The following GOSR2 variants were observed in gnomAD, a reference collection of about 807,000 sequenced individuals.
GOSR2 encodes the protein 27 kDa Golgi SNARE protein.
GOSR2 carries 20 observed loss-of-function variants against 27.9 expected under a neutral mutation model. That is an observed-to-expected ratio of 0.72 (90% CI 0.50 to 1.04). The LOEUF (loss-of-function observed/expected upper bound fraction) is 1.04. GOSR2 is among the 50% of genes least tolerant of loss of function. GOSR2 has a pLI of 0.00. For synonymous variants in GOSR2, 91 were observed against 98.8 expected, an observed-to-expected ratio of 0.92 and a Z score of 0.47; for missense variants, 261 against 270.5, an observed-to-expected ratio of 0.97 and a Z score of 0.25.
At chr17:46,972,180 G>A (rs1425528672) in intron 6 of GOSR2, among the ~76,000 whole-genome samples, 12 of 152,194 alleles carry the variant, frequency 7.9e-5, no homozygotes, top group Admixed American at 7.2e-4. Context: ...CCCTGGGGCT[G>A]GGCTGGGGCA....
chr17:46,941,964 T>G lies in GOSR2; in HGVS notation c.*3204T>G. 7 of 985,108 alleles carry G rather than the reference T, an allele frequency of 7.1e-6. No homozygotes were observed. Among genetic ancestry groups the G allele is most frequent in the Non-Finnish European group, 8.4e-6 (7 of 829,694 alleles). The allele number at this position is 985,108 out of a possible 1,614,324, so 61.0% of individuals were successfully genotyped here. On this transcript the variant is annotated 3_prime_UTR_variant, in exon 6 of 6. Transcript: ENST00000640051. The stretch of plus-strand genomic sequence containing the variant: ...GCTTCTGTCTCAAAGATGATCACAT[T>G]GGTGTAAAGAGCAAAACTTGTTAAG...
chr17:46,940,509 A>G lies in GOSR2; in HGVS notation c.*1749A>G, dbSNP rs2089118586. The G allele has an allele frequency of 1.2e-6, 2 of 1,613,000 alleles. No individual in the cohort carries two copies. The highest frequency in any genetic ancestry group is 1.7e-5 in the Admixed American group (1 of 60,008). ...TAGCGCAGGACTTTTGGTAATCCAT[A>G]AAATGGATTCTGAGACTGCGACGGC... is the stretch of plus-strand genomic sequence containing the variant. On this transcript the variant is annotated 3_prime_UTR_variant, in exon 6 of 6. Transcript: ENST00000640051.
At chr17:46,970,672 C>T (rs146532325), downstream of GOSR2, among the ~76,000 whole-genome samples, 119 of 152,248 alleles carry the variant, frequency 7.8e-4, no homozygotes, top group African/African-American at 2.7e-3. Context: ...GCACTGGAGC[C>T]GCTCCACTCA....
At chr17:46,928,585 C>A (rs1247870013) in intron 1 of GOSR2, among the ~76,000 whole-genome samples, 1 of 152,096 alleles carries the variant, frequency 6.6e-6, no homozygotes, top group Non-Finnish European at 1.5e-5. Context: ...AGAGTGTTAC[C>A]CAGATCCAGG....
At chr17:46,965,127 A>C (rs2091252479) in intron 6 of GOSR2, 3 of 152,306 alleles carry the variant, frequency 2.0e-5, no homozygotes, top group Middle Eastern at 3.4e-3. Flanking sequence ...TCATTATCCT[A>C]GTCTGCAGCC....
chr17:46,931,396 G>T, intron 3 of GOSR2, 189 bp downstream of exon 3: 1 of 614,362 alleles, frequency 1.6e-6, no homozygotes. Context: ...AATAGCCTGT[G>T]AGGTTTGTGA....
chr17:46,924,660 T>G (rs2086221211), intron 1 of GOSR2, among the ~76,000 whole-genome samples: 1 of 152,182 alleles, frequency 6.6e-6, no homozygotes, highest in African/African-American at 2.4e-5. Flanking sequence ...GGTGTTTCAT[T>G]TGGACAGGCG....
intron 1 of GOSR2, among the ~76,000 whole-genome samples, chr17:46,925,139 G>A (rs2086293479): frequency 6.6e-6 from 1 of 152,126 alleles, no homozygotes; most frequent in African/African-American, 2.4e-5. Context: ...TTTCTATTAA[G>A]GGCCAGATAG....
Position 46,973,197 on chromosome 17 carries a change from A to T in GOSR2, c.616-2002A>T, listed in dbSNP as rs199659839. On this transcript the variant is annotated intron_variant, in intron 6 of 6. Coordinates refer to the GOSR2 transcript ENST00000640723. ...GATGAGGGCCATTTCTGCTGTACCC[A>T]CTGCCTCTGCCACTCATTAGCTGAG... 8 of 153,734 alleles carry T rather than the reference A, an allele frequency of 5.2e-5. No homozygotes were observed. In the Middle Eastern group the frequency reaches 2.1e-3, roughly 41 times the overall value. 9.5% of individuals were successfully genotyped at this position (153,734 alleles called of 1,614,324 possible). A position where few individuals can be genotyped will look rare whatever the true frequency, so the allele number is the denominator to read the frequency against.
chr17:46,931,027 CTG>C (rs2146888938), intron 2 of GOSR2, 70 bp from the exon 3 acceptor site: 2 of 861,574 alleles, frequency 2.3e-6, no homozygotes, highest in Non-Finnish European at 2.0e-6. Context: ...AAAAAAAAAT[CTG>C]TGATTTATCA....
intron 6 of GOSR2, chr17:46,975,106 T>C (rs915067179): frequency 5.3e-5 from 8 of 151,838 alleles, no homozygotes; most frequent in African/African-American, 9.7e-5. Context: ...ATTGTCCTTA[T>C]TGAGCGTCTA....
At chr17:46,961,921 A>G (rs2091074673) in intron 6 of GOSR2, among the ~76,000 whole-genome samples, 1 of 152,230 alleles carries the variant, frequency 6.6e-6, no homozygotes, top group Non-Finnish European at 1.5e-5. Flanking sequence ...GGGGCTGACC[A>G]ATGATTCCAA....
chr17:46,970,560 A>C (rs1045237948), downstream of GOSR2, among the ~76,000 whole-genome samples: 3 of 129,448 alleles, frequency 2.3e-5, no homozygotes, highest in South Asian at 2.6e-4. Context: ...AAAAAAAAAA[A>C]CTCAAGACAG....
downstream of GOSR2, among the ~76,000 whole-genome samples, chr17:46,944,700 A>C (rs918980872): frequency 8.6e-5 from 13 of 151,630 alleles, no homozygotes; most frequent in Non-Finnish European, 1.3e-4. Flanking sequence ...CCTGGGTTCA[A>C]GCGATTCTCC....
In GOSR2 at chr17:46,949,406, G is replaced by A. The variant is rs149941712; in HGVS notation, c.583+10702G>A. On this transcript the variant is annotated intron_variant, in intron 6 of 6. Transcript: ENST00000573224. ...TGTGTACTTTCTATGACCAAGCCTC[G>A]GAAGTCATAGGGCCTCTGTTCTGCC... 781 of 152,192 alleles carry A rather than the reference G, an allele frequency of 5.1e-3. 7 individuals carry two copies. The highest frequency in any genetic ancestry group is 0.018 in the African/African-American group (754 of 41,504). The allele number at this position is 152,192 out of a possible 1,614,324, so 9.4% of individuals were successfully genotyped here.
At position 46,941,442 on chromosome 17, in the gene GOSR2, C is replaced by T. The variant is rs765683708; in HGVS notation, c.*2682C>T. 3.0e-6 allele frequency: 3 copies of T among 984,088 alleles called. No homozygotes were observed. The highest frequency in any genetic ancestry group is 3.6e-6 in the Non-Finnish European group (3 of 828,764). The allele number at this position is 984,088 out of a possible 1,614,324, so 61.0% of individuals were successfully genotyped here. A position where few individuals can be genotyped will look rare whatever the true frequency, so the allele number is the denominator to read the frequency against. The stretch of plus-strand genomic sequence containing the variant: ...TTTTTATGTTTCTAGGCCAGAGATT[C>T]TCAAACACTGCTCCATGGCCAGGGG... On this transcript the variant is annotated 3_prime_UTR_variant, in exon 6 of 6. Coordinates refer to ENST00000640051, the MANE Select transcript of GOSR2 (RefSeq NM_004287.5).
intron 5 of GOSR2, chr17:46,936,282 G>A: frequency 1.0e-5 from 10 of 985,296 alleles, no homozygotes; most frequent in Non-Finnish European, 1.2e-5. Context: ...GGCCTTTTAG[G>A]ACCAAACTCC....
intron 5 of GOSR2, chr17:46,937,286 C>T (rs2088559189): frequency 6.6e-6 from 1 of 152,086 alleles, no homozygotes; most frequent in Admixed American, 6.5e-5. Context: ...ATGGACTTGA[C>T]CCACCCATTG....
chr17:46,970,591 A>C (rs1354743014), downstream of GOSR2, among the ~76,000 whole-genome samples: 1 of 151,228 alleles, frequency 6.6e-6, no homozygotes, highest in Non-Finnish European at 1.5e-5. Context: ...ACGCTGCAAC[A>C]TGAGGACTCC....
Sources: allele counts gnomAD v4.1 joint callset (sites outside exome capture counted in the v4.1 genomes callset), GRCh38; gene constraint gnomAD v4.1.1; transcripts MANE v1.5; gene names NCBI Gene and HGNC (gene_info 2026-07-23, HGNC 2026-07-21).